The following THSD7B variants were observed in gnomAD, a reference collection of about 807,000 sequenced individuals.
THSD7B encodes the protein thrombospondin type 1 domain containing 7B, also known as thrombospondin type-1 domain-containing protein 7B.
A neutral mutation model predicts 213.6 loss-of-function variants in THSD7B; 138 were observed. That is an observed-to-expected ratio of 0.65 (90% CI 0.56 to 0.74). The LOEUF (loss-of-function observed/expected upper bound fraction) is 0.74. Among genes scored for constraint, THSD7B ranks in the 30% least tolerant of loss-of-function variants. The probability of loss-of-function intolerance (pLI) is 0.00; values close to 1 mark genes in which losing one functional copy is unlikely to be tolerated. For synonymous variants in THSD7B, 742 were observed against 687.0 expected, an observed-to-expected ratio of 1.08 and a Z score of -1.25; for missense variants, 1,931 against 1,991.5, an observed-to-expected ratio of 0.97 and a Z score of 0.58.
intron 2 of THSD7B, among the ~76,000 whole-genome samples, chr2:137,020,988 A>T (rs1012308390): frequency 6.6e-6 from 1 of 152,216 alleles, no homozygotes; most frequent in Non-Finnish European, 1.5e-5. Context: ...CTATCTAGCG[A>T]ACAATGCTTC....
At position 137,232,827 on chromosome 2, in the gene THSD7B, T is replaced by G. The variant is rs1681670223; in HGVS notation, c.1916-72T>G. On this transcript the variant is annotated intron_variant, in intron 8 of 27. Coordinates refer to ENST00000409968, the MANE Select transcript of THSD7B (RefSeq NM_001316349.2). ...TCAGCAAAGCTGTCTCTCTAGACCA[T>G]TAAAGCAGCAGAAACAACAAAAACA... 3.5e-6 allele frequency: 5 copies of G among 1,422,800 alleles called. No homozygotes were observed. The South Asian group carries it at 6.3e-5, about 18-fold the overall frequency. The allele number at this position is 1,422,800 out of a possible 1,614,324, so 88.1% of individuals were successfully genotyped here.
chr2:137,447,396 A>C (rs16838937), intron 14 of THSD7B, among the ~76,000 whole-genome samples: 12,649 of 152,190 alleles, frequency 0.083, 1,107 homozygotes, highest in African/African-American at 0.22. Context: ...GCATATGTGA[A>C]GTATGCATGC....
At chr2:137,051,513 C>A (rs1268692775) in intron 2 of THSD7B, among the ~76,000 whole-genome samples, 2 of 152,118 alleles carry the variant, frequency 1.3e-5, no homozygotes, top group African/African-American at 4.8e-5. Context: ...AGTAAAGCAT[C>A]TTATAAGTAA....
At chr2:137,626,475 A>AAAAAAG (rs1390246829) in intron 20 of THSD7B, among the ~76,000 whole-genome samples, 3 of 147,930 alleles carry the variant, frequency 2.0e-5, no homozygotes, top group South Asian at 4.2e-4. Context: ...AAAAAAAAAA[A>AAAAAAG]AAAAAGAAAA....
chr2:136,911,439 A>T (rs1684256175), intron 2 of THSD7B, among the ~76,000 whole-genome samples: 1 of 152,196 alleles, frequency 6.6e-6, no homozygotes, highest in South Asian at 2.1e-4. Flanking sequence ...TTAAGCATAC[A>T]TCCAAATTAA....
At chr2:137,219,224 T>C (rs911007817) in intron 7 of THSD7B, among the ~76,000 whole-genome samples, 1 of 152,110 alleles carries the variant, frequency 6.6e-6, no homozygotes, top group East Asian at 1.9e-4. Context: ...GAATCAGGCA[T>C]GGGAAAAGAC....
intron 5 of THSD7B, among the ~76,000 whole-genome samples, chr2:137,152,620 T>A (rs1679840377): frequency 1.3e-5 from 2 of 152,206 alleles, no homozygotes; most frequent in Non-Finnish European, 2.9e-5. Flanking sequence ...TAGAGCCAAG[T>A]GGGTTGTCAA....
chr2:137,582,674 C>A (rs981021000), intron 17 of THSD7B, among the ~76,000 whole-genome samples: 3 of 152,016 alleles, frequency 2.0e-5, no homozygotes, highest in Non-Finnish European at 4.4e-5. Context: ...TGAACTCATC[C>A]TTTTTTATGT....
At chr2:137,127,212 A>G (rs927299852) in intron 5 of THSD7B, among the ~76,000 whole-genome samples, 3 of 152,174 alleles carry the variant, frequency 2.0e-5, no homozygotes, top group Non-Finnish European at 4.4e-5. Context: ...TAAAAAATGC[A>G]ATAGCTGAAA....
chr2:136,859,999 C>G (rs551448757), intron 1 of THSD7B, among the ~76,000 whole-genome samples: 1 of 144,120 alleles, frequency 6.9e-6, no homozygotes, highest in African/African-American at 2.6e-5. Context: ...GGAGTAGATT[C>G]GAGAAAACAA....
chr2:136,824,328 T>A (rs1429945423), intron 1 of THSD7B, among the ~76,000 whole-genome samples: 7 of 152,068 alleles, frequency 4.6e-5, no homozygotes, highest in Non-Finnish European at 1.0e-4. Context: ...AGTACATATA[T>A]ATGTACTTTG....
chr2:137,576,637 T>C (rs1191416695), intron 17 of THSD7B, among the ~76,000 whole-genome samples: 1 of 152,138 alleles, frequency 6.6e-6, no homozygotes, highest in African/African-American at 2.4e-5. Flanking sequence ...TTTATTCTTT[T>C]CTGTAACTCT....
chr2:137,185,160 C>A (rs1327890547), intron 7 of THSD7B, among the ~76,000 whole-genome samples: 2 of 151,554 alleles, frequency 1.3e-5, no homozygotes, highest in Admixed American at 1.3e-4. Flanking sequence ...ACAATAAAAG[C>A]AACATATTTA....
At chr2:137,351,990 G>A (rs981139742) in intron 12 of THSD7B, among the ~76,000 whole-genome samples, 2 of 151,824 alleles carry the variant, frequency 1.3e-5, no homozygotes, top group Non-Finnish European at 1.5e-5. Context: ...GCTATCATTA[G>A]TGTTAGTGTA....
chr2:136,825,518 T>G (rs983932145), intron 1 of THSD7B, among the ~76,000 whole-genome samples: 9 of 152,014 alleles, frequency 5.9e-5, no homozygotes, highest in African/African-American at 2.2e-4. Context: ...CAGTTTTTCT[T>G]CTTTTCTCTC....
chr2:137,438,055 G>A (rs1425792009), intron 14 of THSD7B, among the ~76,000 whole-genome samples: 2 of 152,064 alleles, frequency 1.3e-5, no homozygotes, highest in Admixed American at 6.5e-5. Flanking sequence ...TTTCTTTGTT[G>A]GAGAATAATA....
In THSD7B at chr2:137,411,859, C is replaced by T. The variant is rs1322457591; in HGVS notation, c.2946C>T (p.Phe982=). 1 of 1,614,012 alleles carries T rather than the reference C, an allele frequency of 6.2e-7. No individual in the cohort carries two copies. Among genetic ancestry groups the T allele is most frequent in the Non-Finnish European group, 8.5e-7 (1 of 1,179,880 alleles). The change falls in exon 14 of 28, where the codon TTC becomes TTT. Residue 982 remains phenylalanine (F), a synonymous_variant. Transcript: ENST00000409968. The part of the protein sequence containing the change: ...DKNGRPVDPS[F]CSSSGYIQEK... ...ATGGAAGACCTGTTGACCCCTCCTT[C>T]TGCAGCAGCTCTGGTAAGGAGATGG...
At chr2:137,508,249 T>C (rs1679880285) in intron 15 of THSD7B, among the ~76,000 whole-genome samples, 1 of 152,188 alleles carries the variant, frequency 6.6e-6, no homozygotes, top group Non-Finnish European at 1.5e-5. Flanking sequence ...TTTTGCTTTT[T>C]GTTGCTGTGT....
intron 12 of THSD7B, among the ~76,000 whole-genome samples, chr2:137,353,499 T>C (rs868158656): frequency 9.2e-5 from 14 of 152,058 alleles, no homozygotes; most frequent in South Asian, 4.2e-4. Context: ...AAAGCAGGAG[T>C]GGACTCTATG....
Sources: gnomAD v4.1 joint callset for allele counts (sites outside exome capture counted in the v4.1 genomes callset) on GRCh38, gnomAD v4.1.1 for gene constraint, MANE v1.5 for transcripts, NCBI Gene and HGNC (gene_info 2026-07-23, HGNC 2026-07-21) for gene names.